MYRIP: variants seen among roughly 807,000 people sequenced by gnomAD.
The protein encoded by MYRIP is myosin VIIA and Rab interacting protein.
MYRIP carries 49 observed loss-of-function variants against 98.0 expected under a neutral mutation model. The observed-to-expected ratio is 0.50, with a 90% confidence interval of 0.40 to 0.63. The LOEUF is 0.63. MYRIP is among the 30% of genes least tolerant of loss of function. The probability of loss-of-function intolerance (pLI) is 0.00; values close to 1 mark genes in which losing one functional copy is unlikely to be tolerated. For synonymous variants in MYRIP, 404 were observed against 409.5 expected, an observed-to-expected ratio of 0.99 and a Z score of 0.16; for missense variants, 1,004 against 1,058.2, an observed-to-expected ratio of 0.95 and a Z score of 0.71.
At chr3:39,914,307 G>C (rs1001361219) in intron 2 of MYRIP, among the ~76,000 whole-genome samples, 1 of 152,116 alleles carries the variant, frequency 6.6e-6, no homozygotes, top group Middle Eastern at 3.2e-3. Context: ...ACAGACAGCA[G>C]AGATGCTTTC....
Position 40,088,965 on chromosome 3 carries a change from C to CAG in MYRIP, c.332+44706_332+44707dup, listed in dbSNP as rs146384611. The stretch of plus-strand genomic sequence containing the variant: ...TGGTAACCAGAGGAATGGTAAGACA[C>CAG]AGAGAGAGAGAGATCTAGGCATGCA... On this transcript the variant is annotated intron_variant, in intron 3 of 16. Coordinates refer to ENST00000302541, the MANE Select transcript of MYRIP (RefSeq NM_015460.4). Among the ~76,000 whole-genome samples the CAG allele has an allele frequency of 6.2e-3, 923 of 149,396 alleles. 13 individuals are homozygous for CAG. The highest frequency in any genetic ancestry group is 0.022 in the African/African-American group (868 of 40,338).
chr3:39,956,242 A>G (rs905949574), intron 2 of MYRIP, among the ~76,000 whole-genome samples: 4 of 152,182 alleles, frequency 2.6e-5, no homozygotes, highest in Non-Finnish European at 5.9e-5. Context: ...TCAGAACCAC[A>G]TTGCACTTAT....
rs943518903 is a variant in MYRIP, at chr3:40,134,651, G to A, written c.333-16397G>A. Among the ~76,000 whole-genome samples the A allele has an allele frequency of 9.2e-4, 140 of 152,320 alleles. 1 individual carries two copies. The highest frequency in any genetic ancestry group is 3.3e-3 in the African/African-American group (136 of 41,574). The stretch of plus-strand genomic sequence containing the variant: ...CACACCCCAGTAGGGGCGGACTGAT[G>A]CCTCACACAGCCGGGTACTCCTCTG... On this transcript the variant is annotated intron_variant, in intron 3 of 16. Coordinates refer to ENST00000302541, the MANE Select transcript of MYRIP (RefSeq NM_015460.4).
intron 2 of MYRIP, among the ~76,000 whole-genome samples, chr3:40,014,944 A>G (rs777535451): frequency 1.3e-5 from 2 of 152,168 alleles, no homozygotes; most frequent in Non-Finnish European, 2.9e-5. Flanking sequence ...GCTCCCCAAC[A>G]TACCCTGGTC....
intron 3 of MYRIP, among the ~76,000 whole-genome samples, chr3:40,073,078 CT>C (rs1430313510): frequency 6.6e-6 from 1 of 152,130 alleles, no homozygotes; most frequent in East Asian, 1.9e-4. Flanking sequence ...GAAATTAGAA[CT>C]TTTTACTGAG....
chr3:40,217,795 A>G (rs906572631), intron 11 of MYRIP, among the ~76,000 whole-genome samples: 2 of 152,198 alleles, frequency 1.3e-5, no homozygotes, highest in Admixed American at 6.6e-5. Context: ...AATGACAGAA[A>G]GAAAACAAAG....
chr3:39,945,928 G>T (rs899541330), intron 2 of MYRIP, among the ~76,000 whole-genome samples: 1 of 151,944 alleles, frequency 6.6e-6, no homozygotes, highest in African/African-American at 2.4e-5. Flanking sequence ...AATTCTGTAG[G>T]CATATCTTTA....
At chr3:39,829,594 A>G (rs1287964221) in intron 1 of MYRIP, among the ~76,000 whole-genome samples, 1 of 152,116 alleles carries the variant, frequency 6.6e-6, no homozygotes, top group East Asian at 1.9e-4. Flanking sequence ...GGTGTTTCTA[A>G]GGAGAGCTTG....
intron 3 of MYRIP, among the ~76,000 whole-genome samples, chr3:40,111,657 T>C (rs1949159615): frequency 1.3e-5 from 2 of 152,136 alleles, no homozygotes; most frequent in Non-Finnish European, 2.9e-5. Flanking sequence ...CAGGCCTGGC[T>C]TGTGGGCTCT....
At chr3:39,916,794 A>G (rs1354901674) in intron 2 of MYRIP, among the ~76,000 whole-genome samples, 1 of 152,108 alleles carries the variant, frequency 6.6e-6, no homozygotes, top group East Asian at 1.9e-4. Context: ...AGAGGCCCTA[A>G]CCAAATATAA....
chr3:39,865,618 C>T (rs1410399804), intron 1 of MYRIP, among the ~76,000 whole-genome samples: 2 of 152,056 alleles, frequency 1.3e-5, no homozygotes, highest in African/African-American at 4.8e-5. Context: ...ATCAAAACTG[C>T]AATGAGATAC....
intron 8 of MYRIP, among the ~76,000 whole-genome samples, chr3:40,172,228 CA>C (rs1453688265): frequency 6.6e-6 from 1 of 152,134 alleles, no homozygotes; most frequent in Non-Finnish European, 1.5e-5. Flanking sequence ...AACAAAAACA[CA>C]GGGGTATATA....
intron 2 of MYRIP, among the ~76,000 whole-genome samples, chr3:39,944,501 G>C (rs1464399747): frequency 1.3e-5 from 2 of 152,016 alleles, no homozygotes; most frequent in Non-Finnish European, 1.5e-5. Flanking sequence ...GGGAGAGAGG[G>C]GAGGAGAAAG....
rs562960738 is a variant in MYRIP, at chr3:40,029,014, C to G, written c.111-15036C>G. Among the ~76,000 whole-genome samples, 6 of 152,246 alleles carry G rather than the reference C, an allele frequency of 3.9e-5. No homozygotes were observed. The South Asian group carries it at 1.2e-3, about 32-fold the overall frequency. On this transcript the variant is annotated intron_variant, in intron 2 of 16. Coordinates refer to ENST00000302541, the MANE Select transcript of MYRIP (RefSeq NM_015460.4). ...CAGTCCTGTGTATCAGCAAACAAAA[C>G]TCATAAAGCTCAAGTTATCTTATGG...
At chr3:39,955,825 G>A (rs1945143007) in intron 2 of MYRIP, among the ~76,000 whole-genome samples, 1 of 152,104 alleles carries the variant, frequency 6.6e-6, no homozygotes, top group East Asian at 1.9e-4. Context: ...ATAAAGGGAT[G>A]GAGGAAGATC....
In MYRIP at chr3:40,079,964, C is replaced by T. The variant is rs573921050; in HGVS notation, c.332+35693C>T. On this transcript the variant is annotated intron_variant, in intron 3 of 16. Coordinates refer to ENST00000302541, the MANE Select transcript of MYRIP (RefSeq NM_015460.4). ...CAATTGTATTTCTTCCTTCCTTATA[C>T]ATTTCTTTTCTTTCTCTTGTTTTAT... Among the ~76,000 whole-genome samples, 15 of 152,290 alleles carry T rather than the reference C, an allele frequency of 9.8e-5. No homozygotes were observed. The South Asian group carries it at 2.5e-3, about 25-fold the overall frequency.
At chr3:40,218,628 A>ATTT (rs1276687319) in intron 11 of MYRIP, among the ~76,000 whole-genome samples, 1 of 19,130 alleles carries the variant, frequency 5.2e-5, no homozygotes, top group Non-Finnish European at 2.0e-4. Flanking sequence ...ATATATATAT[A>ATTT]TATATATATA....
intron 3 of MYRIP, among the ~76,000 whole-genome samples, chr3:40,110,881 GGTGTGT>G (rs58040369): frequency 0.041 from 6,105 of 147,678 alleles, 147 homozygotes; most frequent in African/African-American, 0.07. Flanking sequence ...TTCATGAAGG[GGTGTGT>G]GTGTGTGTGT....
At chr3:39,922,849 A>G (rs567375694) in intron 2 of MYRIP, among the ~76,000 whole-genome samples, 1 of 152,356 alleles carries the variant, frequency 6.6e-6, no homozygotes, top group Admixed American at 6.5e-5. Context: ...AATGAAAAAG[A>G]CAATCAATAT....
Sources: gnomAD v4.1 joint callset for allele counts (sites outside exome capture counted in the v4.1 genomes callset) on GRCh38, gnomAD v4.1.1 for gene constraint, MANE v1.5 for transcripts, NCBI Gene and HGNC (gene_info 2026-07-23, HGNC 2026-07-21) for gene names.